Variants in RBFOX1 observed in about 807,000 individuals in gnomAD.
The protein encoded by RBFOX1 is RNA binding fox-1 homolog 1.
In RBFOX1, 8 loss-of-function variants were observed where a neutral mutation model predicts 57.7. That is an observed-to-expected ratio of 0.14 (90% CI 0.08 to 0.25). The LOEUF (loss-of-function observed/expected upper bound fraction) is 0.25. Ranked by LOEUF, RBFOX1 falls within the 10% of genes least tolerant of loss-of-function variation. The pLI, the probability that RBFOX1 is intolerant of heterozygous loss-of-function variation, is 1.00. For synonymous variants in RBFOX1, 326 were observed against 222.4 expected (o/e 1.47, Z -4.15); for missense variants, 611 against 548.5 (o/e 1.11, Z -1.14).
intron 3 of RBFOX1, among the ~76,000 whole-genome samples, chr16:6,682,615 C>T (rs1480213971): frequency 6.6e-6 from 1 of 151,892 alleles, no homozygotes; most frequent in Non-Finnish European, 1.5e-5. Context: ...GGCCTCCAAC[C>T]GCCAGATGTC....
chr16:6,031,720 G>C (rs985341119), intron 1 of RBFOX1, among the ~76,000 whole-genome samples: 2 of 152,214 alleles, frequency 1.3e-5, no homozygotes, highest in African/African-American at 4.8e-5. Flanking sequence ...TATGACAGTG[G>C]GGAGATTGCT....
chr16:5,669,658 T>C (rs1307922761), intron 3 of RBFOX1, among the ~76,000 whole-genome samples: 1 of 152,122 alleles, frequency 6.6e-6, no homozygotes, highest in Non-Finnish European at 1.5e-5. Flanking sequence ...GACCTCATGA[T>C]CTGCCTGCCT....
chr16:6,556,382 T>A (rs1567669270), intron 2 of RBFOX1, among the ~76,000 whole-genome samples: 1 of 152,202 alleles, frequency 6.6e-6, no homozygotes, highest in South Asian at 2.1e-4. Context: ...CTCCTTTTAT[T>A]CTGATGATGG....
chr16:5,512,770 A>T (rs949568749), intron 2 of RBFOX1, among the ~76,000 whole-genome samples: 1 of 152,160 alleles, frequency 6.6e-6, no homozygotes. Context: ...GTATTGATGC[A>T]TTGTTATTAC....
At chr16:5,910,524 G>A (rs148134829) in intron 4 of RBFOX1, among the ~76,000 whole-genome samples, 6 of 152,320 alleles carry the variant, frequency 3.9e-5, no homozygotes, top group Admixed American at 2.0e-4. Context: ...AGATGGGATA[G>A]GTAGAAAGAT....
At chr16:6,079,204 G>T (rs148275670) in intron 1 of RBFOX1, among the ~76,000 whole-genome samples, 66 of 152,340 alleles carry the variant, frequency 4.3e-4, no homozygotes, top group African/African-American at 1.5e-3. Context: ...TATTCGGGAG[G>T]CTGAGGCAGG....
intron 3 of RBFOX1, among the ~76,000 whole-genome samples, chr16:6,991,227 G>T (rs924275354): frequency 6.6e-6 from 1 of 151,754 alleles, no homozygotes; most frequent in Non-Finnish European, 1.5e-5. Context: ...TTGAGCCTGG[G>T]AGGCAGAGGT....
intron 3 of RBFOX1, among the ~76,000 whole-genome samples, chr16:6,972,512 A>G (rs1028388928): frequency 6.6e-6 from 1 of 152,210 alleles, no homozygotes; most frequent in African/African-American, 2.4e-5. Flanking sequence ...GGTTGCCGCC[A>G]CTTGTTGGTG....
At chr16:5,526,413 C>T (rs1193843580) in intron 2 of RBFOX1, among the ~76,000 whole-genome samples, 2 of 152,136 alleles carry the variant, frequency 1.3e-5, no homozygotes, top group African/African-American at 4.8e-5. Context: ...TTCAGCCTCC[C>T]AAGTAGCTGG....
At chr16:6,742,729 C>T (rs563923577) in intron 3 of RBFOX1, among the ~76,000 whole-genome samples, 1 of 152,156 alleles carries the variant, frequency 6.6e-6, no homozygotes, top group African/African-American at 2.4e-5. Context: ...AAAATTAAAA[C>T]AGTCTCAAAA....
intron 2 of RBFOX1, among the ~76,000 whole-genome samples, chr16:6,499,140 T>G (rs2095850845): frequency 6.6e-6 from 1 of 152,188 alleles, no homozygotes; most frequent in Non-Finnish European, 1.5e-5. Context: ...CAGCCTTTGT[T>G]TACTGTGGAA....
chr16:7,217,830 T>G (rs959754728), intron 4 of RBFOX1, among the ~76,000 whole-genome samples: 1 of 152,170 alleles, frequency 6.6e-6, no homozygotes, highest in African/African-American at 2.4e-5. Context: ...CTTACAGCAT[T>G]GTCACTACTC....
intron 1 of RBFOX1, among the ~76,000 whole-genome samples, chr16:6,156,589 A>C (rs1284351131): frequency 6.6e-6 from 1 of 152,070 alleles, no homozygotes; most frequent in Non-Finnish European, 1.5e-5. Context: ...TGTAACAGTG[A>C]GACGAGGTGG....
At chr16:6,855,190 A>T (rs891339200) in intron 3 of RBFOX1, among the ~76,000 whole-genome samples, 1 of 152,030 alleles carries the variant, frequency 6.6e-6, no homozygotes, top group Non-Finnish European at 1.5e-5. Flanking sequence ...TATCCCCAGT[A>T]CCCAATATAG....
In RBFOX1 at chr16:7,710,605, C is replaced by CAA; in HGVS notation, c.1072-16_1072-15dup. The CAA allele has an allele frequency of 6.2e-7, 1 of 1,610,354 alleles. No homozygotes were observed. Reference sequence around the variant, plus strand: ...AGGAAAATGTAAAAAACACACCCCTCAAATTGCTTTGTTTCAGAATGCTTT... The same window carrying CAA: ...AGGAAAATGTAAAAAACACACCCCTCAAAAATTGCTTTGTTTCAGAATGCTTT... On this transcript the variant is annotated splice_polypyrimidine_tract_variant and intron_variant, in intron 15 of 15. Coordinates refer to ENST00000550418, the MANE Select transcript of RBFOX1 (RefSeq NM_018723.4).
At chr16:6,476,913 G>A (rs1271567498) in intron 2 of RBFOX1, among the ~76,000 whole-genome samples, 3 of 152,086 alleles carry the variant, frequency 2.0e-5, no homozygotes, top group Non-Finnish European at 4.4e-5. Context: ...TTGCAACAAG[G>A]ATCATAGTAT....
At chr16:6,133,798 C>T (rs919708508) in intron 1 of RBFOX1, among the ~76,000 whole-genome samples, 4 of 152,100 alleles carry the variant, frequency 2.6e-5, no homozygotes, top group African/African-American at 9.7e-5. Flanking sequence ...TTTGCCTGTG[C>T]TGTGCTTCAT....
chr16:7,197,801 G>C (rs1034098460), intron 4 of RBFOX1, among the ~76,000 whole-genome samples: 1 of 152,062 alleles, frequency 6.6e-6, no homozygotes, highest in African/African-American at 2.4e-5. Flanking sequence ...ATTATGCTAA[G>C]GGAAGGAACC....
chr16:7,252,061 C>G (rs1040827960), intron 4 of RBFOX1, among the ~76,000 whole-genome samples: 8 of 152,162 alleles, frequency 5.3e-5, no homozygotes, highest in African/African-American at 1.9e-4. Flanking sequence ...TGTGTTCTAG[C>G]ACACTGCAAA....
Sources: gnomAD v4.1 joint callset for allele counts (sites outside exome capture counted in the v4.1 genomes callset) on GRCh38, gnomAD v4.1.1 for gene constraint, MANE v1.5 for transcripts, NCBI Gene and HGNC (gene_info 2026-07-23, HGNC 2026-07-21) for gene names.